NUP93: variants seen among roughly 807,000 people sequenced by gnomAD.
NUP93 encodes nucleoporin 93, also known as nuclear pore complex protein Nup93.
Under a neutral mutation model 107.8 loss-of-function variants are expected in NUP93, and 55 were observed. That is an observed-to-expected ratio of 0.51 (90% confidence interval 0.41 to 0.64). NUP93 has a LOEUF of 0.64. Ranked by LOEUF, NUP93 falls within the 30% of genes least tolerant of loss-of-function variation. The probability of loss-of-function intolerance (pLI) is 0.00; values close to 1 mark genes in which losing one functional copy is unlikely to be tolerated. For missense variants in NUP93, 937 were observed against 1,044.7 expected, an observed-to-expected ratio of 0.90 and a Z score of 1.42; for synonymous variants, 390 against 397.5, an observed-to-expected ratio of 0.98 and a Z score of 0.22.
chr16:56,805,570 C>T lies in NUP93; in HGVS notation c.427C>T (p.Arg143Ter), dbSNP rs1054056220. 6.2e-7 allele frequency: 1 copy of T among 1,613,934 alleles called. No homozygotes were observed. Residue 143 changes from arginine (R) to a stop codon, truncating the protein, a stop_gained, in exon 5 of 22, where the codon CGA (arginine) becomes TGA (stop). Coordinates refer to ENST00000308159, the MANE Select transcript of NUP93 (RefSeq NM_014669.5). LOFTEE classifies it high-confidence loss of function. Reference protein sequence around the residue: ...MLVEWEQVKQRILHTLLASGE... With the variant: ...MLVEWEQVKQ Reference sequence around the variant, plus strand: ...GGTTGAGTGGGAGCAAGTGAAACAGCGAATTCTGCACACACTGCTGGCATC... The same window carrying T: ...GGTTGAGTGGGAGCAAGTGAAACAGTGAATTCTGCACACACTGCTGGCATC...
intron 1 of NUP93, among the ~76,000 whole-genome samples, chr16:56,741,584 T>C (rs1961740665): frequency 6.6e-6 from 1 of 152,240 alleles, no homozygotes; most frequent in Admixed American, 6.5e-5. Flanking sequence ...ACTGTTATTT[T>C]ACTGTTATTA....
intron 5 of NUP93, among the ~76,000 whole-genome samples, chr16:56,806,277 G>C (rs966844527): frequency 6.6e-6 from 1 of 151,632 alleles, no homozygotes; most frequent in African/African-American, 2.4e-5. Context: ...TCTTTCACAT[G>C]TTGACAAATC....
At chr16:56,774,513 G>A (rs1195366180) in intron 3 of NUP93, among the ~76,000 whole-genome samples, 1 of 151,668 alleles carries the variant, frequency 6.6e-6, no homozygotes, top group Non-Finnish European at 1.5e-5. Context: ...AGTAACAACA[G>A]ATGCCATGAG....
At chr16:56,824,127 G>A (rs1272659434) in intron 8 of NUP93, among the ~76,000 whole-genome samples, 3 of 152,054 alleles carry the variant, frequency 2.0e-5, no homozygotes, top group South Asian at 2.1e-4. Context: ...CTCTTAATAC[G>A]TAAGGCCGTA....
intron 8 of NUP93, among the ~76,000 whole-genome samples, chr16:56,828,541 AAACAT>A (rs1169527667): frequency 6.6e-6 from 1 of 152,184 alleles, no homozygotes; most frequent in African/African-American, 2.4e-5. Context: ...TGTAGAGAGA[AAACAT>A]AAAGAAATGT....
intron 20 of NUP93, among the ~76,000 whole-genome samples, chr16:56,840,532 A>G (rs1027951477): frequency 1.3e-5 from 2 of 152,200 alleles, no homozygotes; most frequent in African/African-American, 2.4e-5. Flanking sequence ...GCTGCAGCCC[A>G]GACCTCCCCC....
At chr16:56,740,243 G>C (rs1252981809) in intron 1 of NUP93, among the ~76,000 whole-genome samples, 37 of 146,616 alleles carry the variant, frequency 2.5e-4, no homozygotes, top group Non-Finnish European at 4.9e-4. Flanking sequence ...GCAGCTGCCG[G>C]GCGGAGGGGC....
rs143139887 is a variant in NUP93 at position 56,776,276 on chromosome 16, T to C, written c.297+17621T>C. Among the ~76,000 whole-genome samples the C allele has an allele frequency of 9.8e-5, 15 of 152,292 alleles. No homozygotes were observed. The East Asian group carries it at 2.9e-3, about 29-fold the overall frequency. On this transcript the variant is annotated intron_variant, in intron 3 of 21. Coordinates refer to ENST00000308159, the MANE Select transcript of NUP93 (RefSeq NM_014669.5). ...AGGGTTGGATAATTTTAATAAACCT[T>C]TTCTTTCCGTTGAGGAGTCTTTTAT...
At chr16:56,808,498 AT>A (rs1274033987) in intron 5 of NUP93, among the ~76,000 whole-genome samples, 1,800 of 109,160 alleles carry the variant, frequency 0.016, 138 homozygotes, top group East Asian at 0.066. Context: ...ATGTAACTAT[AT>A]AAATATATAG....
At chr16:56,836,946 C>G (rs1963924057) in intron 17 of NUP93, among the ~76,000 whole-genome samples, 1 of 152,246 alleles carries the variant, frequency 6.6e-6, no homozygotes, top group Admixed American at 6.5e-5. Flanking sequence ...GGATGTCCTG[C>G]AGGCATTGAA....
At chr16:56,780,312 T>A (rs1198565245) in intron 3 of NUP93, among the ~76,000 whole-genome samples, 1 of 152,206 alleles carries the variant, frequency 6.6e-6, no homozygotes, top group Admixed American at 6.5e-5. Flanking sequence ...GCTCTTCAGC[T>A]TTACAGTGCT....
intron 4 of NUP93, among the ~76,000 whole-genome samples, chr16:56,799,338 G>A (rs190388305): frequency 6.6e-6 from 1 of 152,304 alleles, no homozygotes; most frequent in Admixed American, 6.5e-5. Context: ...CCAAAGACCA[G>A]CCATTATATG....
chr16:56,742,504 G>A (rs1961755396), intron 1 of NUP93, among the ~76,000 whole-genome samples: 1 of 152,236 alleles, frequency 6.6e-6, no homozygotes, highest in Non-Finnish European at 1.5e-5. Context: ...AGCCACGCCT[G>A]TTGGTTTACA....
At position 56,837,650 on chromosome 16, in the gene NUP93, C is replaced by A; in HGVS notation, c.1942C>A (p.Pro648Thr). Residue 648 changes from proline (P) to threonine (T), a missense_variant, in exon 18 of 22, where the codon CCT (proline) becomes ACT (threonine). By Grantham distance (38) the Pro-to-Thr change is conservative. Coordinates refer to ENST00000308159, the MANE Select transcript of NUP93 (RefSeq NM_014669.5). The stretch of plus-strand genomic sequence containing the variant: ...GGAGCTGATGAACAAACTGCTGAGC[C>A]CTGTCGTCCCCCAGATCAGTGCCCC... ...VLELMNKLLSPVVPQISAPQS... is the reference protein window; with the variant it reads ...VLELMNKLLSTVVPQISAPQS... The A allele has an allele frequency of 6.2e-7, 1 of 1,614,184 alleles. No homozygotes were observed. Among genetic ancestry groups the A allele is most frequent in the Non-Finnish European group, 8.5e-7 (1 of 1,180,020 alleles).
chr16:56,764,537 T>C (rs1962184679), intron 3 of NUP93, among the ~76,000 whole-genome samples: 1 of 152,190 alleles, frequency 6.6e-6, no homozygotes, highest in South Asian at 2.1e-4. Flanking sequence ...TGTAACCCCT[T>C]ATCACCTGAA....
chr16:56,771,216 A>G (rs1480415256), intron 3 of NUP93, among the ~76,000 whole-genome samples: 1 of 152,228 alleles, frequency 6.6e-6, no homozygotes, highest in Non-Finnish European at 1.5e-5. Flanking sequence ...CATTTGTATA[A>G]TACTTTACAG....
In NUP93 at chr16:56,803,747, A is replaced by AAT. The variant is rs71149699; in HGVS notation, c.361-1738_361-1737dup. On this transcript the variant is annotated intron_variant, in intron 4 of 21. Coordinates refer to ENST00000308159, the MANE Select transcript of NUP93 (RefSeq NM_014669.5). ...TGGTTACAAGCAAAAAACAGGGAAAAATATATATATATATATATATGGTTT... is the reference window on the plus strand; with the variant it reads ...TGGTTACAAGCAAAAAACAGGGAAAAATATATATATATATATATATATGGTTT... Among the ~76,000 whole-genome samples the AAT allele has an allele frequency of 2.8e-3, 414 of 149,716 alleles. 1 individual carries two copies. The highest frequency in any genetic ancestry group is 7.6e-3 in the African/African-American group (311 of 40,746).
intron 2 of NUP93, among the ~76,000 whole-genome samples, chr16:56,754,562 T>C (rs1174633784): frequency 1.3e-5 from 2 of 152,194 alleles, no homozygotes; most frequent in African/African-American, 4.8e-5. Flanking sequence ...AAGGGAGAAA[T>C]TGGCCAAAAC....
Position 56,821,508 on chromosome 16 carries a change from A to G in NUP93, c.569A>G (p.Tyr190Cys). The G allele has an allele frequency of 6.2e-7, 1 of 1,602,094 alleles. No individual in the cohort carries two copies. The highest frequency in any genetic ancestry group is 8.6e-7 in the Non-Finnish European group (1 of 1,169,254). ...NIEMAYARQI[Y>C]IYNEKIVNGH... ...CTTTGCTTTTTATCATTTCAGATTT[A>G]TATCTATAATGAGAAAATTGTAAAT... The change falls in exon 7 of 22, where the codon TAT becomes TGT. Residue 190 changes from tyrosine (Y) to cysteine (C), a missense_variant. Coordinates refer to ENST00000308159, the MANE Select transcript of NUP93 (RefSeq NM_014669.5).
Sources: gnomAD v4.1 joint callset for allele counts (sites outside exome capture counted in the v4.1 genomes callset) on GRCh38, gnomAD v4.1.1 for gene constraint, MANE v1.5 for transcripts, NCBI Gene and HGNC (gene_info 2026-07-23, HGNC 2026-07-21) for gene names.